LYST: variants seen among roughly 807,000 people sequenced by gnomAD.
LYST encodes lysosomal-trafficking regulator.
Under a neutral mutation model 413.6 loss-of-function variants are expected in LYST, and 192 were observed. The ratio of observed to expected loss-of-function variants is 0.46; its 90% CI spans 0.41 to 0.52. The LOEUF is 0.52. LYST is among the 20% of genes least tolerant of loss of function. The pLI is 0.00. For missense variants in LYST, 3,815 were observed against 4,499.9 expected, an observed-to-expected ratio of 0.85 and a Z score of 4.35; for synonymous variants, 1,525 against 1,567.3, an observed-to-expected ratio of 0.97 and a Z score of 0.64.
chr1:235,865,724 G>A (rs1032900570), intron 1 of LYST, among the ~76,000 whole-genome samples: 2 of 152,198 alleles, frequency 1.3e-5, no homozygotes, highest in African/African-American at 2.4e-5. Flanking sequence ...AAAGCTTAAA[G>A]TCAACATCTT....
Position 235,809,600 on chromosome 1 carries a change from T to C in LYST, c.1218A>G (p.Glu406=). The C allele has an allele frequency of 1.9e-6, 3 of 1,614,014 alleles. No homozygotes were observed. Among genetic ancestry groups the C allele is most frequent in the Non-Finnish European group, 2.5e-6 (3 of 1,179,922 alleles). The change falls in exon 5 of 53, where the codon GAA becomes GAG. Residue 406 remains glutamate, a synonymous_variant. Coordinates refer to ENST00000389793, the MANE Select transcript of LYST (RefSeq NM_000081.4). The surrounding 1 kb of genome is among the most constrained non-coding windows in gnomAD (Gnocchi z 4.0). ...AACAGATCAGAATCTGAAGAACTCC[T>C]TCCAAAAGCTCAGGTAAAAGAAGGG... ...HRALLLPELL[E]GVLQILICCL...
At chr1:235,693,167 G>C (rs1280852469) in intron 47 of LYST, among the ~76,000 whole-genome samples, 183 bp downstream of exon 47, 1 of 151,566 alleles carries the variant, frequency 6.6e-6, no homozygotes, top group Non-Finnish European at 1.5e-5. Context: ...AATACAAAAA[G>C]TCAGCTGGGC....
Position 235,806,142 on chromosome 1 carries a change from T to C in LYST, c.2994A>G (p.Ile998Met), listed in dbSNP as rs549234758. 1.9e-6 allele frequency: 3 copies of C among 1,613,970 alleles called. No individual in the cohort carries two copies. In the African/African-American group the frequency reaches 4.0e-5, roughly 22 times the overall value. ...RVCHKLIFMI[I>M]QKLFRSHKEE... ...CTTTGTGACTTCTGAACAGTTTCTG[T>C]ATTATCATAAATATTAACTTATGGC... The change falls in exon 6 of 53, where the codon ATA becomes ATG. Residue 998 changes from isoleucine to methionine, a missense_variant. By Grantham distance (10) the Ile-to-Met change is conservative (BLOSUM62 1). Coordinates refer to ENST00000389793, the MANE Select transcript of LYST (RefSeq NM_000081.4).
intron 14 of LYST, among the ~76,000 whole-genome samples, chr1:235,782,839 T>A (rs1331564034): frequency 6.6e-6 from 1 of 152,216 alleles, no homozygotes; most frequent in Non-Finnish European, 1.5e-5. Flanking sequence ...AAAACATAAC[T>A]TCTTCAAAAT....
chr1:235,663,929 GA>G, intron 52 of LYST, 54 bp downstream of exon 52: 2 of 1,423,790 alleles, frequency 1.4e-6, no homozygotes, highest in Admixed American at 1.7e-5. Flanking sequence ...ACCTCTCTAC[GA>G]AAAATACAAT....
At chr1:235,744,481 A>G (rs914308525) in intron 29 of LYST, among the ~76,000 whole-genome samples, 8 of 152,188 alleles carry the variant, frequency 5.3e-5, no homozygotes, top group African/African-American at 1.9e-4. Context: ...TATTTACATG[A>G]GTGGATCTAC....
rs764909103 is a variant in LYST, at chr1:235,733,568, C to T, written c.8736G>A (p.Met2912Ile). ...TGCTGGCACTCAAATCTACTTTATACATTCCTCTAATATGCTGGATCACCT... is the reference window on the plus strand; with the variant it reads ...TGCTGGCACTCAAATCTACTTTATATATTCCTCTAATATGCTGGATCACCT... ...RKKVIQHIRG[M>I]YKVDLSASRH... The change falls in exon 34 of 53, where the codon ATG becomes ATA. Residue 2912 changes from methionine to isoleucine, a missense_variant. By Grantham distance (10) the Met-to-Ile change is conservative (BLOSUM62 1). Transcript: ENST00000389793. 1.1e-5 allele frequency: 18 copies of T among 1,613,988 alleles called. No individual in the cohort carries two copies. The highest frequency in any genetic ancestry group is 1.5e-5 in the Non-Finnish European group (18 of 1,179,912).
intron 34 of LYST, among the ~76,000 whole-genome samples, chr1:235,732,032 T>C (rs1443428808): frequency 2.0e-5 from 3 of 152,082 alleles, no homozygotes; most frequent in Non-Finnish European, 2.9e-5. Context: ...ATTCATACCC[T>C]AAACATACCA....
intron 46 of LYST, among the ~76,000 whole-genome samples, chr1:235,694,119 C>T (rs1390310033): frequency 6.6e-6 from 1 of 151,260 alleles, no homozygotes; most frequent in Non-Finnish European, 1.5e-5. Context: ...AGGTGATTCT[C>T]GTGCCTCAGC....
At chr1:235,683,965 A>G (rs1176865825) in intron 48 of LYST, among the ~76,000 whole-genome samples, 1 of 152,214 alleles carries the variant, frequency 6.6e-6, no homozygotes, top group Non-Finnish European at 1.5e-5. Flanking sequence ...ATTTTTTGGC[A>G]CTGTTAAATA....
chr1:235,687,159 T>A, intron 47 of LYST, 112 bp from the exon 48 acceptor site: 1 of 769,106 alleles, frequency 1.3e-6, no homozygotes, highest in South Asian at 1.6e-5. Flanking sequence ...GACAACTATT[T>A]TTTTTAACTC....
intron 44 of LYST, among the ~76,000 whole-genome samples, chr1:235,703,586 C>T (rs1661719910): frequency 6.6e-6 from 1 of 152,204 alleles, no homozygotes; most frequent in African/African-American, 2.4e-5. Flanking sequence ...TACATATCCA[C>T]TTGATGGCTT....
At position 235,733,862 on chromosome 1, in the gene LYST, A is replaced by T; in HGVS notation, c.8580T>A (p.Ala2860=). ...YETEEGVNKA[A]WQKTVNNNQQ... is the part of the protein sequence containing the mutation. ...GATTATTGTTAACTGTTTTCTGCCA[A>T]GCAGCTTTATTCACTCCTTCTTCAG... is the stretch of plus-strand genomic sequence containing the variant. Residue 2860 remains alanine (A), a synonymous_variant, in exon 33 of 53, where the codon GCT becomes GCA. Transcript: ENST00000389793. 1 of 1,603,844 alleles carries T rather than the reference A, an allele frequency of 6.2e-7. No homozygotes were observed. The highest frequency in any genetic ancestry group is 1.1e-5 in the South Asian group (1 of 90,888).
chr1:235,698,734 G>A (rs755199570), intron 45 of LYST, among the ~76,000 whole-genome samples: 14 of 151,992 alleles, frequency 9.2e-5, no homozygotes, highest in African/African-American at 1.2e-4. Flanking sequence ...TTAACTGGGC[G>A]TGGTGGCGGG....
At chr1:235,715,150 G>C (rs367572240) in intron 42 of LYST, 51 bp downstream of exon 42, 3 of 1,388,564 alleles carry the variant, frequency 2.2e-6, no homozygotes, top group Non-Finnish European at 3.1e-6. Context: ...TGTTGTTGTT[G>C]TTGTTTCTGA....
At chr1:235,873,384 G>C (rs888451422) in intron 1 of LYST, among the ~76,000 whole-genome samples, 12 of 151,910 alleles carry the variant, frequency 7.9e-5, no homozygotes, top group African/African-American at 1.7e-4. Context: ...ATTCTGTCCT[G>C]TTTTTCTGCT....
At chr1:235,862,303 C>T (rs1055886372) in intron 1 of LYST, among the ~76,000 whole-genome samples, 2 of 152,124 alleles carry the variant, frequency 1.3e-5, no homozygotes, top group African/African-American at 4.8e-5. Context: ...TCCCTTTATC[C>T]GCAGATTCAT....
rs749157673 is a variant in LYST at position 235,688,496 on chromosome 1, C to A, written c.10702-1449G>T. 5.9e-5 allele frequency among the ~76,000 whole-genome samples: 9 copies of A among 152,132 alleles called. 1 individual carries two copies. The highest frequency in any genetic ancestry group is 1.3e-4 in the Non-Finnish European group (9 of 68,030). Reference sequence around the variant, plus strand: ...AGGCTGGAGACACCACTTCTGTAGTCTACTTTTGGCTTTCATTGAACACGG... The same window carrying A: ...AGGCTGGAGACACCACTTCTGTAGTATACTTTTGGCTTTCATTGAACACGG... On this transcript the variant is annotated intron_variant, in intron 47 of 52. Transcript: ENST00000389793.
rs578128191 is a variant in LYST, at chr1:235,693,294, G to A, written c.10701+56C>T. On this transcript the variant is annotated intron_variant, in intron 47 of 52. Coordinates refer to ENST00000389793, the MANE Select transcript of LYST (RefSeq NM_000081.4). ...TGTGTCACTGCGCTCCAGCTTGGGC[G>A]GCAGAGTGAGACTCCGTCTTAAAAA... The A allele has an allele frequency of 1.4e-5, 18 of 1,319,518 alleles. 1 individual carries two copies. The highest frequency in any genetic ancestry group is 5.0e-5 in the East Asian group (2 of 40,290). The allele number at this position is 1,319,518 out of a possible 1,614,324, so 81.7% of individuals were successfully genotyped here.
Sources: gnomAD v4.1 joint callset for allele counts (sites outside exome capture counted in the v4.1 genomes callset) on GRCh38, gnomAD v4.1.1 for gene constraint, Gnocchi (gnomAD v3.1) non-coding constraint, MANE v1.5 for transcripts, NCBI Gene and HGNC (gene_info 2026-07-23, HGNC 2026-07-21) for gene names.